TTLL11: variants seen among roughly 807,000 people sequenced by gnomAD.
TTLL11 encodes tubulin tyrosine ligase like 11.
In TTLL11, 42 loss-of-function variants were observed where a neutral mutation model predicts 51.7. The ratio of observed to expected loss-of-function variants is 0.81; its 90% CI spans 0.64 to 1.05. The LOEUF is 1.05. Ranked by LOEUF, TTLL11 falls within the 50% of genes least tolerant of loss-of-function variation. The pLI, the probability that TTLL11 is intolerant of heterozygous loss-of-function variation, is 0.00. For synonymous variants in TTLL11, 381 were observed against 383.5 expected (o/e 0.99, Z 0.08); for missense variants, 799 against 940.4 (o/e 0.85, Z 1.97).
At chr9:121,904,236 G>A (rs1005454329) in intron 6 of TTLL11, among the ~76,000 whole-genome samples, 1 of 151,576 alleles carries the variant, frequency 6.6e-6, no homozygotes, top group Non-Finnish European at 1.5e-5. Context: ...GCATGCAGTG[G>A]CACGATCTTG....
Position 122,031,761 on chromosome 9 carries a change from A to T in TTLL11, c.655T>A (p.Trp219Arg). The T allele has an allele frequency of 6.2e-7, 1 of 1,613,392 alleles. No individual in the cohort carries two copies. The highest frequency in any genetic ancestry group is 8.5e-7 in the Non-Finnish European group (1 of 1,180,022). The change falls in exon 3 of 9, where the codon TGG (tryptophan) becomes AGG (arginine). Residue 219 changes from tryptophan (W) to arginine (R), a missense_variant. Coordinates refer to ENST00000321582, the MANE Select transcript of TTLL11 (RefSeq NM_001139442.2). ...PEEYNFYPRS[W>R]ILPDEFQLFV... ...AGCTGGAACTCGTCAGGCAGAATCC[A>T]TGAGCGAGGGTAGAAGTTGTACTCC...
At position 122,092,766 on chromosome 9, in the gene TTLL11, G is replaced by A. The variant is rs1289685558; in HGVS notation, c.383C>T (p.Pro128Leu). ...GGCCTTGGAGCTGTCCACGGTGACCGGCCGCTGGGAGCCGTTCTCGCCGGA... is the reference window on the plus strand; with the variant it reads ...GGCCTTGGAGCTGTCCACGGTGACCAGCCGCTGGGAGCCGTTCTCGCCGGA... ...HGSGENGSQR[P>L]VTVDSSKART... The change falls in exon 1 of 9, where the codon CCG becomes CTG. Residue 128 changes from proline (P) to leucine (L), a missense_variant. Physicochemically the swap from Pro to Leu is moderately conservative, Grantham distance 98. Around this residue, in one of 3 missense-constraint regions of TTLL11, gnomAD observed 468 missense variants for 612.8 expected, o/e 0.76. Coordinates refer to ENST00000321582, the MANE Select transcript of TTLL11 (RefSeq NM_001139442.2). 1.6e-5 allele frequency: 25 copies of A among 1,538,394 alleles called. No individual in the cohort carries two copies. Among genetic ancestry groups the A allele is most frequent in the Non-Finnish European group, 2.2e-5 (25 of 1,147,978 alleles).
chr9:122,084,902 A>G (rs1029590774), intron 1 of TTLL11, among the ~76,000 whole-genome samples: 1 of 152,152 alleles, frequency 6.6e-6, no homozygotes, highest in Non-Finnish European at 1.5e-5. Flanking sequence ...CAAAGTCAAG[A>G]TACTGATGTC....
intron 3 of TTLL11, among the ~76,000 whole-genome samples, chr9:122,012,322 T>C (rs1843817827): frequency 6.6e-6 from 1 of 152,174 alleles, no homozygotes; most frequent in Admixed American, 6.5e-5. Context: ...GGGTGAAAGA[T>C]GACCTTTAAC....
chr9:122,017,433 T>A (rs1453310807), intron 3 of TTLL11, among the ~76,000 whole-genome samples: 1 of 151,616 alleles, frequency 6.6e-6, no homozygotes, highest in African/African-American at 2.4e-5. Flanking sequence ...AACCAAAAAA[T>A]ATGAGAATAT....
chr9:121,869,879 G>C (rs1838297847), intron 7 of TTLL11, among the ~76,000 whole-genome samples: 1 of 152,154 alleles, frequency 6.6e-6, no homozygotes, highest in Non-Finnish European at 1.5e-5. Context: ...ACAGGGTAGA[G>C]GGAAATTAAT....
At chr9:121,970,592 GA>G (rs1181925943) in intron 6 of TTLL11, among the ~76,000 whole-genome samples, 1 of 152,036 alleles carries the variant, frequency 6.6e-6, no homozygotes, top group Non-Finnish European at 1.5e-5. Context: ...ACAAAGATAT[GA>G]AAAAAAGCTC....
intron 8 of TTLL11, among the ~76,000 whole-genome samples, chr9:121,839,558 T>C (rs1837290213): frequency 6.6e-6 from 1 of 152,174 alleles, no homozygotes; most frequent in Non-Finnish European, 1.5e-5. Context: ...ACTGGAAACA[T>C]GGCCTTCTTT....
chr9:121,824,423 C>A (rs1446866599), intron 8 of TTLL11, among the ~76,000 whole-genome samples: 3 of 148,320 alleles, frequency 2.0e-5, no homozygotes, highest in Non-Finnish European at 4.5e-5. Flanking sequence ...TTGCAGTGAG[C>A]CAAGATCACG....
intron 1 of TTLL11, among the ~76,000 whole-genome samples, chr9:122,085,601 A>G (rs1223842740): frequency 6.6e-6 from 1 of 152,188 alleles, no homozygotes; most frequent in Non-Finnish European, 1.5e-5. Context: ...AATAACATAC[A>G]TATATGGACT....
In TTLL11 at chr9:121,950,791, G is replaced by C. The variant is rs546109100; in HGVS notation, c.1481+23218C>G. 8.5e-5 allele frequency among the ~76,000 whole-genome samples: 13 copies of C among 152,270 alleles called. No individual in the cohort carries two copies. In the South Asian group the frequency reaches 2.7e-3, roughly 32 times the overall value. On this transcript the variant is annotated intron_variant, in intron 6 of 8. Transcript: ENST00000321582. ...AGGCTTTGAGGAGCTTGTCGCCTGG[G>C]CTCCTAACGACACGAGCTCTGGGAT...
intron 1 of TTLL11, among the ~76,000 whole-genome samples, chr9:122,043,687 A>C (rs890121432): frequency 6.6e-6 from 1 of 152,216 alleles, no homozygotes; most frequent in Non-Finnish European, 1.5e-5. Context: ...AGCACAGCCA[A>C]CAAAAAACAA....
At chr9:121,976,893 C>A (rs749932051) in intron 4 of TTLL11, among the ~76,000 whole-genome samples, 11 of 152,146 alleles carry the variant, frequency 7.2e-5, no homozygotes, top group Non-Finnish European at 1.3e-4. Flanking sequence ...AGTGATGAGG[C>A]CTTTTAGAGA....
intron 6 of TTLL11, among the ~76,000 whole-genome samples, chr9:121,884,407 A>G (rs185149893): frequency 4.6e-5 from 7 of 152,314 alleles, no homozygotes; most frequent in Non-Finnish European, 8.8e-5. Context: ...GCGGAGCTGA[A>G]GTCAGAGCTG....
chr9:122,091,656 G>A (rs1846262463), intron 1 of TTLL11, among the ~76,000 whole-genome samples: 1 of 152,200 alleles, frequency 6.6e-6, no homozygotes, highest in Non-Finnish European at 1.5e-5. Flanking sequence ...CCAAGGCACA[G>A]GGCTAAGAAC....
At chr9:122,025,371 G>A (rs1442356831) in intron 3 of TTLL11, among the ~76,000 whole-genome samples, 2 of 152,178 alleles carry the variant, frequency 1.3e-5, no homozygotes, top group African/African-American at 2.4e-5. Flanking sequence ...AGTGGCTCAC[G>A]CCTGTAATCC....
At position 122,092,803 on chromosome 9, in the gene TTLL11, A is replaced by C; in HGVS notation, c.346T>G (p.Ser116Ala). ...RDKGRSCKRS[S>A]GHGSGENGSQ... is the part of the protein sequence containing the mutation. ...CCGTTCTCGCCGGAACCGTGGCCCG[A>C]GCTCCGCTTGCAGCTTCGGCCCTTG... The change falls in exon 1 of 9, where the codon TCG becomes GCG. Residue 116 changes from serine to alanine, a missense_variant. Ser to Ala is a moderately conservative substitution (Grantham distance 99, BLOSUM62 1). Transcript: ENST00000321582. 6.5e-7 allele frequency: 1 copy of C among 1,545,612 alleles called. No homozygotes were observed. The highest frequency in any genetic ancestry group is 8.7e-7 in the Non-Finnish European group (1 of 1,152,078).
chr9:121,819,087 A>AG lies in TTLL11; in HGVS notation c.*3499dup, dbSNP rs1836495098. The AG allele has an allele frequency of 6.6e-6, 1 of 152,618 alleles. No homozygotes were observed. The highest frequency in any genetic ancestry group is 1.5e-5 in the Non-Finnish European group (1 of 68,400). 9.5% of individuals were successfully genotyped at this position (152,618 alleles called of 1,614,324 possible). ...AAGAGGAAGCCAGGTGGTTTGTTTT[A>AG]GGGATGGATGCTGCTCTCTCCTGGA... is the stretch of plus-strand genomic sequence containing the variant. On this transcript the variant is annotated 3_prime_UTR_variant, in exon 9 of 9. Coordinates refer to ENST00000321582, the MANE Select transcript of TTLL11 (RefSeq NM_001139442.2).
intron 1 of TTLL11, among the ~76,000 whole-genome samples, chr9:122,061,006 C>T (rs1255425913): frequency 6.6e-6 from 1 of 152,172 alleles, no homozygotes; most frequent in African/African-American, 2.4e-5. Context: ...AAGATGTCAG[C>T]AGGGTTGATT....
Sources: gnomAD v4.1 joint callset for allele counts (sites outside exome capture counted in the v4.1 genomes callset) on GRCh38, gnomAD v4.1.1 for gene constraint, gnomAD v4.1.1 regional missense constraint, MANE v1.5 for transcripts, NCBI Gene and HGNC (gene_info 2026-07-23, HGNC 2026-07-21) for gene names.